CDH8: variants seen among roughly 807,000 people sequenced by gnomAD.
CDH8 encodes the protein cadherin-8.
A neutral mutation model predicts 68.1 loss-of-function variants in CDH8; 17 were observed. The observed-to-expected ratio is 0.25, with a 90% CI of 0.17 to 0.37. CDH8 has a LOEUF of 0.37. Among genes scored for constraint, CDH8 ranks in the 10% least tolerant of loss-of-function variants. The pLI, the probability that CDH8 is intolerant of heterozygous loss-of-function variation, is 1.00. For missense variants in CDH8, 763 were observed against 999.3 expected (o/e 0.76, Z 3.19); for synonymous variants, 372 against 365.1 (o/e 1.02, Z -0.21).
intron 2 of CDH8, among the ~76,000 whole-genome samples, chr16:61,968,647 C>T (rs1487384837): frequency 2.6e-5 from 4 of 152,184 alleles, no homozygotes; most frequent in African/African-American, 9.7e-5. Context: ...ATAAATGAGG[C>T]ATCGTTTTTT....
chr16:61,796,101 G>C (rs1038650401), intron 7 of CDH8, among the ~76,000 whole-genome samples: 2 of 151,774 alleles, frequency 1.3e-5, no homozygotes, highest in African/African-American at 4.8e-5. Flanking sequence ...ATATTATTTT[G>C]TGTGAAACAT....
chr16:61,952,608 T>A lies in CDH8; in HGVS notation c.253-51135A>T, dbSNP rs180802915. On this transcript the variant is annotated intron_variant, in intron 2 of 11. Coordinates refer to ENST00000577390, the MANE Select transcript of CDH8 (RefSeq NM_001796.5). ...ATGGAGGAAACAATCTATGCAAAAGTCAAAAATTAAAAGAGGCTAGAGCTG... is the reference window on the plus strand; with the variant it reads ...ATGGAGGAAACAATCTATGCAAAAGACAAAAATTAAAAGAGGCTAGAGCTG... Among the ~76,000 whole-genome samples, 14 of 152,062 alleles carry A rather than the reference T, an allele frequency of 9.2e-5. No homozygotes were observed. In the East Asian group the frequency reaches 2.7e-3, roughly 29 times the overall value.
rs532554498 is a variant in CDH8, at chr16:62,009,365, C to T, written c.252+11787G>A. Among the ~76,000 whole-genome samples, 28 of 152,216 alleles carry T rather than the reference C, an allele frequency of 1.8e-4. No individual in the cohort carries two copies. The South Asian group carries it at 3.9e-3, about 21-fold the overall frequency. ...AAAAGACTTATAAAGTTACAAGGGG[C>T]GTCAGGGAAGTCACTGCACAGAGCT... is the stretch of plus-strand genomic sequence containing the variant. On this transcript the variant is annotated intron_variant, in intron 2 of 11. Coordinates refer to ENST00000577390, the MANE Select transcript of CDH8 (RefSeq NM_001796.5).
At chr16:61,758,226 C>T (rs528621421) in intron 8 of CDH8, among the ~76,000 whole-genome samples, 1 of 152,048 alleles carries the variant, frequency 6.6e-6, no homozygotes, top group Admixed American at 6.6e-5. Flanking sequence ...ACCATGACAC[C>T]TTTGAGTCAT....
At chr16:61,896,208 A>G (rs1206345187) in intron 3 of CDH8, among the ~76,000 whole-genome samples, 1 of 152,200 alleles carries the variant, frequency 6.6e-6, no homozygotes, top group Non-Finnish European at 1.5e-5. Context: ...AAGCTCATCA[A>G]GTCATGAAAT....
intron 3 of CDH8, among the ~76,000 whole-genome samples, chr16:61,899,640 G>T (rs1963931802): frequency 6.6e-6 from 1 of 152,064 alleles, no homozygotes; most frequent in East Asian, 1.9e-4. Context: ...TCACCTTAAG[G>T]AGTACGCGAC....
intron 4 of CDH8, among the ~76,000 whole-genome samples, chr16:61,854,580 A>G (rs757854074): frequency 6.6e-6 from 1 of 151,986 alleles, no homozygotes; most frequent in African/African-American, 2.4e-5. Context: ...TGGCACTACT[A>G]TCTCTGTCTC....
At chr16:61,691,303 CACTGATTTT>C (rs988843079) in intron 10 of CDH8, among the ~76,000 whole-genome samples, 22 of 152,134 alleles carry the variant, frequency 1.4e-4, no homozygotes, top group Non-Finnish European at 1.2e-4. Context: ...GCCATTGCTG[CACTGATTTT>C]ACCTATTTGC....
At chr16:61,754,136 C>A (rs893322639) in intron 8 of CDH8, among the ~76,000 whole-genome samples, 12 of 152,162 alleles carry the variant, frequency 7.9e-5, no homozygotes, top group African/African-American at 2.9e-4. Flanking sequence ...TCCTTTCTAA[C>A]GTCCTTCAGC....
intron 2 of CDH8, among the ~76,000 whole-genome samples, chr16:61,939,477 TG>T (rs1274829077): frequency 5.9e-5 from 9 of 152,330 alleles, no homozygotes; most frequent in Admixed American, 3.9e-4. Context: ...ATGCCATCAT[TG>T]GGTAAATATT....
chr16:61,653,751 C>G lies in CDH8; in HGVS notation c.2257G>C (p.Gly753Arg). Residue 753 changes from glycine to arginine, a missense_variant, in exon 12 of 12, where the codon GGG becomes CGG. Coordinates refer to ENST00000577390, the MANE Select transcript of CDH8 (RefSeq NM_001796.5). ...SIQIYGYEGRGSVAGSLSSLE... is the reference protein window; with the variant it reads ...SIQIYGYEGRRSVAGSLSSLE... ...GAGCTGAGGGAGCCAGCCACTGACC[C>G]TCGGCCTTCATAGCCATATATCTGA... 3.1e-6 allele frequency: 5 copies of G among 1,614,182 alleles called. No individual in the cohort carries two copies. The highest frequency in any genetic ancestry group is 3.4e-6 in the Non-Finnish European group (4 of 1,180,042).
intron 3 of CDH8, among the ~76,000 whole-genome samples, chr16:61,862,635 G>A (rs1963172628): frequency 6.6e-6 from 1 of 152,194 alleles, no homozygotes; most frequent in Non-Finnish European, 1.5e-5. Context: ...GATGTGTGTA[G>A]AGGTTTTGTG....
intron 2 of CDH8, among the ~76,000 whole-genome samples, chr16:61,903,168 T>C (rs1046719128): frequency 6.6e-6 from 1 of 152,234 alleles, no homozygotes; most frequent in African/African-American, 2.4e-5. Context: ...CATTATTATT[T>C]ATGTTAAAAC....
At chr16:61,781,358 C>T (rs1961048752) in intron 8 of CDH8, among the ~76,000 whole-genome samples, 1 of 152,028 alleles carries the variant, frequency 6.6e-6, no homozygotes, top group South Asian at 2.1e-4. Flanking sequence ...TGTTTGTAAT[C>T]CCAGCAGGAG....
At chr16:61,959,831 G>A (rs1965057121) in intron 2 of CDH8, among the ~76,000 whole-genome samples, 1 of 147,118 alleles carries the variant, frequency 6.8e-6, no homozygotes, top group East Asian at 2.0e-4. Context: ...CTGTATGTGT[G>A]TGTGTATATA....
intron 8 of CDH8, among the ~76,000 whole-genome samples, chr16:61,770,901 A>G (rs1298234133): frequency 2.0e-5 from 3 of 151,946 alleles, no homozygotes; most frequent in Non-Finnish European, 4.4e-5. Context: ...CAACTCACTA[A>G]TGTTTTCTGT....
intron 10 of CDH8, among the ~76,000 whole-genome samples, chr16:61,682,914 G>A (rs1964040271): frequency 6.6e-6 from 1 of 151,890 alleles, no homozygotes; most frequent in African/African-American, 2.4e-5. Context: ...ACAAAAAGTA[G>A]TTACAGCAAC....
Position 61,847,912 on chromosome 16 carries a change from C to A in CDH8, c.667+9207G>T, listed in dbSNP as rs74435312. Among the ~76,000 whole-genome samples, 591 of 97,642 alleles carry A rather than the reference C, an allele frequency of 6.1e-3. 8 individuals are homozygous for A. The highest frequency in any genetic ancestry group is 0.019 in the Admixed American group (196 of 10,544). 64.1% of individuals were successfully genotyped at this position (97,642 alleles called of 152,430 possible). ...ACACACACACACACACAGACAAACA[C>A]ACACACACACACTTTTTTATTGTAA... is the stretch of plus-strand genomic sequence containing the variant. On this transcript the variant is annotated intron_variant, in intron 4 of 11. Coordinates refer to ENST00000577390, the MANE Select transcript of CDH8 (RefSeq NM_001796.5).
At chr16:61,934,104 C>G (rs1197082128) in intron 2 of CDH8, 2 of 152,102 alleles carry the variant, frequency 1.3e-5, no homozygotes, top group African/African-American at 4.8e-5. Flanking sequence ...TCATCCCACA[C>G]CTTACAGAAG....
Sources: allele counts gnomAD v4.1 joint callset (sites outside exome capture counted in the v4.1 genomes callset), GRCh38; gene constraint gnomAD v4.1.1; transcripts MANE v1.5; gene names NCBI Gene and HGNC (gene_info 2026-07-23, HGNC 2026-07-21).